Variants in FRYL observed in about 807,000 individuals in gnomAD.
FRYL encodes FRY like transcription coactivator, also known as protein furry homolog-like.
FRYL carries 150 observed loss-of-function variants against 351.2 expected under a neutral mutation model. That is an observed-to-expected ratio of 0.43 (90% CI 0.37 to 0.49). The LOEUF (loss-of-function observed/expected upper bound fraction) is 0.49, where lower values mean the gene tolerates loss of function less well. FRYL is among the 20% of genes least tolerant of loss of function. The pLI is 0.00. For missense variants in FRYL, 3,036 were observed against 3,619.3 expected (o/e 0.84, Z 4.13); for synonymous variants, 1,153 against 1,257.1 (o/e 0.92, Z 1.75).
At chr4:48,604,232 T>C (rs1578309057) in intron 11 of FRYL, among the ~76,000 whole-genome samples, 1 of 151,800 alleles carries the variant, frequency 6.6e-6, no homozygotes, top group South Asian at 2.1e-4. Flanking sequence ...AGTAAATGAG[T>C]AAAGAAAGAG....
chr4:48,640,383 T>C (rs1421616887), intron 3 of FRYL, among the ~76,000 whole-genome samples: 1 of 152,194 alleles, frequency 6.6e-6, no homozygotes, highest in Admixed American at 6.5e-5. Flanking sequence ...AAGTGTGTAT[T>C]TCTAAGTGAA....
Position 48,546,135 on chromosome 4 carries a change from G to A in FRYL, c.5211C>T (p.Leu1737=), listed in dbSNP as rs772854402. The A allele has an allele frequency of 1.7e-5, 28 of 1,613,602 alleles. No individual in the cohort carries two copies. Among genetic ancestry groups the A allele is most frequent in the Non-Finnish European group, 2.4e-5 (28 of 1,179,822 alleles). ...GCTCCACTGAGATGTCAACCTCATT[G>A]AGGATAGTGGTGTGCAGATGTGAAA... The part of the protein sequence containing the change: ...AAISHLHTTI[L]NEVDISVEQD... The change falls in exon 42 of 64, where the codon CTC becomes CTT. Residue 1737 remains leucine, a synonymous_variant. Transcript: ENST00000358350.
intron 24 of FRYL, among the ~76,000 whole-genome samples, chr4:48,575,700 A>T (rs1350749505): frequency 6.6e-6 from 1 of 152,248 alleles, no homozygotes; most frequent in African/African-American, 2.4e-5. Context: ...TAATTATTTA[A>T]ATGATTCCTT....
chr4:48,746,074 A>C (rs1366592158), intron 1 of FRYL, among the ~76,000 whole-genome samples: 1 of 152,230 alleles, frequency 6.6e-6, no homozygotes, highest in Non-Finnish European at 1.5e-5. Context: ...ATATAAGTTC[A>C]TTAAAAATCA....
rs200051099 is a variant in FRYL, at chr4:48,534,626, T to A, written c.6624A>T (p.Leu2208=). ...QQSLLQIIYS[L]LSHIDLSAAP... ...CTGCAGACAGGTCAATATGACTCAA[T>A]AGACTATAAATAATCTGTAGTAATG... The change falls in exon 49 of 64, where the codon CTA becomes CTT. Residue 2208 remains leucine (L), a synonymous_variant. Coordinates refer to ENST00000358350, the MANE Select transcript of FRYL (RefSeq NM_015030.2). The A allele has an allele frequency of 6.3e-7, 1 of 1,595,854 alleles. No homozygotes were observed. Among genetic ancestry groups the A allele is most frequent in the South Asian group, 1.1e-5 (1 of 90,704 alleles).
chr4:48,527,841 A>T (rs544314701), intron 52 of FRYL, 130 bp downstream of exon 52: 1 of 983,206 alleles, frequency 1.0e-6, no homozygotes, highest in East Asian at 2.5e-5. Context: ...AGAGATAAGA[A>T]ATCTTTTTTT....
chr4:48,629,481 T>G (rs1485162943), intron 4 of FRYL, among the ~76,000 whole-genome samples: 1 of 152,342 alleles, frequency 6.6e-6, no homozygotes, highest in African/African-American at 2.4e-5. Context: ...TTCACTCATT[T>G]GTCCAAATTA....
At chr4:48,760,495 ACTT>A (rs771854733) in intron 1 of FRYL, among the ~76,000 whole-genome samples, 1 of 152,012 alleles carries the variant, frequency 6.6e-6, no homozygotes, top group Admixed American at 6.6e-5. Context: ...AAAGAGTTTT[ACTT>A]CTTCTTTTCC....
chr4:48,535,730 A>T lies in FRYL; in HGVS notation c.6491T>A (p.Ile2164Asn). 6.2e-7 allele frequency: 1 copy of T among 1,610,880 alleles called. No individual in the cohort carries two copies. Among genetic ancestry groups the T allele is most frequent in the Non-Finnish European group, 8.5e-7 (1 of 1,178,154 alleles). ...ATGCAGGTATCTGCACACGACATTG[A>T]TCCAGTTAGAACAGTCTCTGGAATA... is the stretch of plus-strand genomic sequence containing the variant. ...HTYSRDCSNW[I>N]NVVCRYLHDS... The change falls in exon 48 of 64, where the codon ATC (isoleucine) becomes AAC (asparagine). Residue 2164 changes from isoleucine (I) to asparagine (N), a missense_variant. Ile to Asn is a moderately radical substitution (Grantham distance 149). Transcript: ENST00000358350.
chr4:48,647,450 G>A (rs938846170), intron 3 of FRYL, among the ~76,000 whole-genome samples: 1 of 152,096 alleles, frequency 6.6e-6, no homozygotes, highest in African/African-American at 2.4e-5. Context: ...TGAATATTTT[G>A]ACCATCTATG....
At position 48,497,602 on chromosome 4, in the gene FRYL, A is replaced by G. The variant is rs1308979889; in HGVS notation, c.*1820T>C. On this transcript the variant is annotated 3_prime_UTR_variant, in exon 64 of 64. Transcript: ENST00000358350. ...ATGCTTTTTATTTTTAACAAAAAGGATGTAAGGAGGGTAAGAAAAACAGAG... is the reference window on the plus strand; with the variant it reads ...ATGCTTTTTATTTTTAACAAAAAGGGTGTAAGGAGGGTAAGAAAAACAGAG... The G allele has an allele frequency of 6.6e-6, 1 of 152,638 alleles. No homozygotes were observed. The highest frequency in any genetic ancestry group is 6.5e-5 in the Admixed American group (1 of 15,280). The allele number at this position is 152,638 out of a possible 1,614,324, so 9.5% of individuals were successfully genotyped here.
At chr4:48,565,156 T>C in intron 29 of FRYL, 113 bp from the exon 30 acceptor site, 1 of 543,090 alleles carries the variant, frequency 1.8e-6, no homozygotes. Context: ...ATCTTTTTTC[T>C]TTACAAATTA....
At chr4:48,731,996 GA>G (rs1466424341) in intron 1 of FRYL, among the ~76,000 whole-genome samples, 1 of 152,140 alleles carries the variant, frequency 6.6e-6, no homozygotes, top group Non-Finnish European at 1.5e-5. Context: ...GCAACCTACA[GA>G]ATGGGAGAAA....
chr4:48,675,407 C>T (rs192937891), intron 3 of FRYL, among the ~76,000 whole-genome samples: 296 of 152,326 alleles, frequency 1.9e-3, no homozygotes, highest in African/African-American at 6.5e-3. Flanking sequence ...TCCGGGTGGG[C>T]GTGGGCTTGC....
At position 48,549,162 on chromosome 4, in the gene FRYL, G is replaced by T. The variant is rs980722816; in HGVS notation, c.4784+311C>A. On this transcript the variant is annotated intron_variant, in intron 39 of 63. Coordinates refer to ENST00000358350, the MANE Select transcript of FRYL (RefSeq NM_015030.2). This position sits in a 1 kb window ranked among gnomAD's most constrained non-coding sequence, Gnocchi z 4.2. ...TGCTAAGTAGAATTCAATTTAACTC[G>T]ATGCAAAATAATAGTGCCTACCATA... Among the ~76,000 whole-genome samples the T allele has an allele frequency of 4.6e-5, 7 of 152,040 alleles. No homozygotes were observed. The highest frequency in any genetic ancestry group is 1.0e-4 in the Non-Finnish European group (7 of 68,012).
intron 3 of FRYL, among the ~76,000 whole-genome samples, chr4:48,648,269 A>G (rs1394846671): frequency 6.6e-6 from 1 of 152,078 alleles, no homozygotes; most frequent in African/African-American, 2.4e-5. Context: ...ATGGTTACCT[A>G]TTTATTTTAG....
intron 3 of FRYL, among the ~76,000 whole-genome samples, chr4:48,647,961 G>A (rs1258760714): frequency 6.6e-6 from 1 of 152,220 alleles, no homozygotes; most frequent in East Asian, 1.9e-4. Flanking sequence ...TACAAAATTA[G>A]TTGTGCAAAC....
intron 2 of FRYL, among the ~76,000 whole-genome samples, chr4:48,694,949 T>C (rs139355531): frequency 6.6e-6 from 1 of 152,242 alleles, no homozygotes; most frequent in Non-Finnish European, 1.5e-5. Flanking sequence ...GGCACTAGCC[T>C]GTAGTCCCAG....
intron 1 of FRYL, among the ~76,000 whole-genome samples, chr4:48,761,050 T>TGTGTGTGTGTG (rs1553884575): frequency 2.1e-5 from 3 of 145,402 alleles, no homozygotes; most frequent in African/African-American, 5.0e-5. Flanking sequence ...TGTGTGTGTG[T>TGTGTGTGTGTG]TGAAGAGGAA....
Sources: gnomAD v4.1 joint callset for allele counts (sites outside exome capture counted in the v4.1 genomes callset) on GRCh38, gnomAD v4.1.1 for gene constraint, Gnocchi (gnomAD v3.1) non-coding constraint, MANE v1.5 for transcripts, NCBI Gene and HGNC (gene_info 2026-07-23, HGNC 2026-07-21) for gene names.